Variants in SNTG1 observed in about 807,000 individuals in gnomAD.
The protein encoded by SNTG1 is syntrophin gamma 1.
SNTG1 carries 39 observed loss-of-function variants against 74.7 expected under a neutral mutation model. The observed-to-expected ratio is 0.52, with a 90% CI of 0.40 to 0.68. The LOEUF is 0.68. SNTG1 is among the 30% of genes least tolerant of loss of function. The pLI is 0.00. For synonymous variants in SNTG1, 254 were observed against 217.1 expected (o/e 1.17, Z -1.49); for missense variants, 685 against 609.5 (o/e 1.12, Z -1.30).
chr8:50,053,969 G>A (rs555998834), intron 1 of SNTG1, among the ~76,000 whole-genome samples: 68 of 152,188 alleles, frequency 4.5e-4, no homozygotes, highest in African/African-American at 1.6e-3. Flanking sequence ...AGCAGGGACT[G>A]TGTCAGGCAT....
chr8:50,765,601 C>A (rs960233573), intron 18 of SNTG1, among the ~76,000 whole-genome samples: 16 of 152,040 alleles, frequency 1.1e-4, no homozygotes, highest in African/African-American at 3.6e-4. Context: ...ATTCTATCTC[C>A]AACATAGTAC....
chr8:50,679,332 C>G (rs368161726), intron 15 of SNTG1, among the ~76,000 whole-genome samples: 3 of 151,994 alleles, frequency 2.0e-5, no homozygotes, highest in Non-Finnish European at 2.9e-5. Flanking sequence ...AATGAACTAG[C>G]CTGATGTTAC....
At chr8:50,636,334 C>A (rs2095039029) in intron 13 of SNTG1, among the ~76,000 whole-genome samples, 1 of 151,856 alleles carries the variant, frequency 6.6e-6, no homozygotes, top group Non-Finnish European at 1.5e-5. Context: ...GGCTTTGAGC[C>A]CAGCAGAGCA....
At chr8:50,380,282 T>C (rs1239430222) in intron 2 of SNTG1, among the ~76,000 whole-genome samples, 1 of 152,226 alleles carries the variant, frequency 6.6e-6, no homozygotes, top group Admixed American at 6.5e-5. Flanking sequence ...TTGTTGTAAC[T>C]GAGTTTGGAG....
chr8:50,191,102 C>T (rs1261907695), intron 2 of SNTG1, among the ~76,000 whole-genome samples: 2 of 152,044 alleles, frequency 1.3e-5, no homozygotes, highest in African/African-American at 2.4e-5. Context: ...ATCATACTTA[C>T]GTAGCCTTCT....
chr8:50,476,009 C>T (rs112881089), intron 8 of SNTG1, among the ~76,000 whole-genome samples: 1 of 152,122 alleles, frequency 6.6e-6, no homozygotes, highest in African/African-American at 2.4e-5. Context: ...CTGCTCCAGT[C>T]CCCCATGGAC....
chr8:50,649,819 G>T (rs1016839094), intron 13 of SNTG1, among the ~76,000 whole-genome samples: 2 of 151,188 alleles, frequency 1.3e-5, no homozygotes, highest in Non-Finnish European at 1.5e-5. Flanking sequence ...ATTAATTTAG[G>T]TTACTCAGTA....
At chr8:50,371,623 G>T (rs2092270598) in intron 2 of SNTG1, among the ~76,000 whole-genome samples, 1 of 152,054 alleles carries the variant, frequency 6.6e-6, no homozygotes, top group South Asian at 2.1e-4. Flanking sequence ...CTACTAAAAA[G>T]GCAATTTTTT....
chr8:50,266,258 G>C (rs966149501), intron 2 of SNTG1, among the ~76,000 whole-genome samples: 4 of 151,994 alleles, frequency 2.6e-5, no homozygotes, highest in South Asian at 4.1e-4. Flanking sequence ...CAATAGAATA[G>C]AATTAAAATT....
At chr8:49,974,694 T>C (rs1043739336) in intron 1 of SNTG1, among the ~76,000 whole-genome samples, 2 of 152,042 alleles carry the variant, frequency 1.3e-5, no homozygotes, top group Non-Finnish European at 2.9e-5. Flanking sequence ...TCATTTTAAG[T>C]ACTTACAGCT....
intron 8 of SNTG1, among the ~76,000 whole-genome samples, chr8:50,484,161 C>A (rs201829525): frequency 1.5e-3 from 59 of 40,252 alleles, no homozygotes; most frequent in African/African-American, 3.8e-3. Context: ...TCCTTCCTTC[C>A]TTCCTTCCTT....
At chr8:50,434,956 T>C (rs1045439998) in intron 4 of SNTG1, among the ~76,000 whole-genome samples, 1 of 152,122 alleles carries the variant, frequency 6.6e-6, no homozygotes, top group South Asian at 2.1e-4. Context: ...CATACAAATC[T>C]CAAAATTTCA....
chr8:50,218,512 A>C (rs911160970), intron 2 of SNTG1, among the ~76,000 whole-genome samples: 20 of 152,162 alleles, frequency 1.3e-4, no homozygotes, highest in African/African-American at 4.6e-4. Context: ...AAAGGCATAC[A>C]AACTTATAAA....
chr8:50,229,809 A>G (rs1327307903), intron 2 of SNTG1, among the ~76,000 whole-genome samples: 2 of 151,512 alleles, frequency 1.3e-5, no homozygotes. Flanking sequence ...TCGAACATTC[A>G]TGAAGAAAAA....
At chr8:50,249,326 T>G (rs1319673942) in intron 2 of SNTG1, among the ~76,000 whole-genome samples, 1 of 152,194 alleles carries the variant, frequency 6.6e-6, no homozygotes, top group Non-Finnish European at 1.5e-5. Context: ...GGAGCAGAGT[T>G]CTGCATAGCA....
At chr8:50,616,567 C>T (rs919982438) in intron 13 of SNTG1, among the ~76,000 whole-genome samples, 2 of 152,198 alleles carry the variant, frequency 1.3e-5, no homozygotes, top group Non-Finnish European at 2.9e-5. Context: ...AAGCCACAGG[C>T]AGGCAATAGG....
At chr8:50,684,794 A>C (rs1463160271) in intron 15 of SNTG1, among the ~76,000 whole-genome samples, 2 of 144,450 alleles carry the variant, frequency 1.4e-5, no homozygotes, top group African/African-American at 5.2e-5. Context: ...TGTACAGGTT[A>C]GTTACATATG....
At chr8:49,999,375 C>T (rs1421339576) in intron 1 of SNTG1, among the ~76,000 whole-genome samples, 3 of 152,098 alleles carry the variant, frequency 2.0e-5, no homozygotes, top group Non-Finnish European at 2.9e-5. Context: ...TGGGTGAGTA[C>T]GGTCTTCTGC....
At chr8:50,702,361 A>G (rs972977534) in intron 15 of SNTG1, among the ~76,000 whole-genome samples, 1 of 152,154 alleles carries the variant, frequency 6.6e-6, no homozygotes, top group African/African-American at 2.4e-5. Context: ...TAAGCACAGC[A>G]TTTATCATCC....
Sources: gnomAD v4.1 joint callset for allele counts (sites outside exome capture counted in the v4.1 genomes callset) on GRCh38, gnomAD v4.1.1 for gene constraint, MANE v1.5 for transcripts, NCBI Gene and HGNC (gene_info 2026-07-23, HGNC 2026-07-21) for gene names.